The following FANCA variants were observed in gnomAD, a reference collection of about 807,000 sequenced individuals.
FANCA encodes FA complementation group A.
FANCA carries 236 observed loss-of-function variants against 194.3 expected under a neutral mutation model. The observed-to-expected ratio is 1.21, with a 90% CI of 1.09 to 1.35. FANCA has a LOEUF of 1.35. Ranked by LOEUF, FANCA falls within the 40% of genes most tolerant of loss-of-function variation. The pLI, the probability that FANCA is intolerant of heterozygous loss-of-function variation, is 0.00. For synonymous variants in FANCA, 1,014 were observed against 715.8 expected (o/e 1.42, Z -6.65); for missense variants, 2,628 against 1,813.9 (o/e 1.45, Z -8.15).
Position 89,811,201 on chromosome 16 carries a change from T to C in FANCA, c.284-130A>G. The C allele has an allele frequency of 4.5e-6, 5 of 1,104,988 alleles. No individual in the cohort carries two copies. The South Asian group carries it at 6.6e-5, about 15-fold the overall frequency. 68.4% of individuals were successfully genotyped at this position (1,104,988 alleles called of 1,614,324 possible). On this transcript the variant is annotated intron_variant, in intron 3 of 42. Transcript: ENST00000389301. ...AAAATTGCCTTTTAAACGGGGAGAA[T>C]AGATGCAAAGGGAAAAACATGAGAT... is the stretch of plus-strand genomic sequence containing the variant.
At chr16:89,750,543 C>T (rs1041840120) in intron 31 of FANCA, among the ~76,000 whole-genome samples, 2 of 151,216 alleles carry the variant, frequency 1.3e-5, no homozygotes, top group African/African-American at 2.4e-5. Context: ...AATCCCAGAA[C>T]TTTGGGAGGC....
intron 8 of FANCA, 48 bp downstream of exon 8, chr16:89,803,211 T>A: frequency 6.5e-7 from 1 of 1,548,218 alleles, no homozygotes; most frequent in Non-Finnish European, 8.9e-7. Context: ...ACACTTGGAA[T>A]AAGGACGGCT....
intron 26 of FANCA, 186 bp downstream of exon 26, chr16:89,769,651 A>C: frequency 1.5e-6 from 1 of 677,626 alleles, no homozygotes. Flanking sequence ...TGAACAAAGA[A>C]ACAAACGCAC....
chr16:89,799,641 G>A lies in FANCA; in HGVS notation c.793-3C>T, dbSNP rs749688050. 6.2e-7 allele frequency: 1 copy of A among 1,611,158 alleles called. No homozygotes were observed. The highest frequency in any genetic ancestry group is 8.5e-7 in the Non-Finnish European group (1 of 1,177,426). The stretch of plus-strand genomic sequence containing the variant: ...CTCTGCAGTACATCAACCGTGACCT[G>A]TCAAAATAGAATGTGAGTTACCATC... On this transcript the variant is annotated splice_region_variant and splice_polypyrimidine_tract_variant and intron_variant, in intron 8 of 42. Coordinates refer to ENST00000389301, the MANE Select transcript of FANCA (RefSeq NM_000135.4).
At chr16:89,753,335 G>A (rs180913129) in intron 30 of FANCA, among the ~76,000 whole-genome samples, 5 of 152,260 alleles carry the variant, frequency 3.3e-5, no homozygotes, top group Non-Finnish European at 5.9e-5. Context: ...CCGCGCATTG[G>A]TGGTAGTGGT....
At position 89,792,488 on chromosome 16, in the gene FANCA, T is replaced by C; in HGVS notation, c.1066A>G (p.Thr356Ala). The C allele has an allele frequency of 5.6e-6, 9 of 1,613,360 alleles. No homozygotes were observed. Among genetic ancestry groups the C allele is most frequent in the Non-Finnish European group, 7.6e-6 (9 of 1,179,974 alleles). ...CCACTCACCCTGCGGTACAGTGAGG[T>C]GAGCAGAGGGTGTGTCCGCGCAAAG... is the stretch of plus-strand genomic sequence containing the variant. ...WSFARTHPLL[T>A]SLYRRLFVML... is the part of the protein sequence containing the mutation. Residue 356 changes from threonine to alanine, a missense_variant, in exon 12 of 43, where the codon ACC becomes GCC. By Grantham distance (58) the Thr-to-Ala change is moderately conservative (BLOSUM62 0). Transcript: ENST00000389301.
At position 89,769,489 on chromosome 16, in the gene FANCA, G is replaced by C. The variant is rs1400404003; in HGVS notation, c.2504+348C>G. Among the ~76,000 whole-genome samples, 10 of 152,316 alleles carry C rather than the reference G, an allele frequency of 6.6e-5. No individual in the cohort carries two copies. In the East Asian group the frequency reaches 1.2e-3, roughly 18 times the overall value. ...CTCACCATGGGGTGCCGAAGAACCT[G>C]ACCAGAGGGAGCTGGTCCAACCAAG... On this transcript the variant is annotated intron_variant, in intron 26 of 42. Coordinates refer to ENST00000389301, the MANE Select transcript of FANCA (RefSeq NM_000135.4).
chr16:89,811,905 T>C (rs554192167), intron 3 of FANCA, among the ~76,000 whole-genome samples: 1 of 151,724 alleles, frequency 6.6e-6, no homozygotes, highest in Non-Finnish European at 1.5e-5. Context: ...TAATTTTTTG[T>C]ATTTTTAGTA....
intron 26 of FANCA, among the ~76,000 whole-genome samples, chr16:89,767,832 G>C (rs2039183794): frequency 6.6e-6 from 1 of 152,150 alleles, no homozygotes. Context: ...ACAGGCATGA[G>C]TCACTGCAAC....
At chr16:89,786,410 T>C (rs570897107) in intron 14 of FANCA, among the ~76,000 whole-genome samples, 1 of 152,290 alleles carries the variant, frequency 6.6e-6, no homozygotes, top group African/African-American at 2.4e-5. Flanking sequence ...CTTGAACTCC[T>C]GACCTCAGGT....
intron 15 of FANCA, among the ~76,000 whole-genome samples, chr16:89,783,675 C>T (rs17226288): frequency 0.028 from 4,269 of 152,246 alleles, 220 homozygotes; most frequent in African/African-American, 0.097. Flanking sequence ...CAGGGATGTG[C>T]AATCCTAGCA....
At chr16:89,779,778 C>T in intron 18 of FANCA, 91 bp downstream of exon 18, 4 of 1,064,624 alleles carry the variant, frequency 3.8e-6, no homozygotes, top group Non-Finnish European at 4.4e-6. Flanking sequence ...ACCCTGCAGG[C>T]ATCAGAGCAG....
At position 89,814,591 on chromosome 16, in the gene FANCA, T is replaced by C. The variant is rs2041027640; in HGVS notation, c.212A>G (p.Lys71Arg). ...LLEVEGPLCK[K>R]LSLSKVIDCD... ...GTCAATCACTTTGCTGAGAGACAATTTTTTACACAGTGGACCTTCTACCTA... is the reference window on the plus strand; with the variant it reads ...GTCAATCACTTTGCTGAGAGACAATCTTTTACACAGTGGACCTTCTACCTA... Residue 71 changes from lysine to arginine, a missense_variant, in exon 3 of 43, where the codon AAA becomes AGA. Transcript: ENST00000389301. 1.9e-6 allele frequency: 3 copies of C among 1,613,666 alleles called. No homozygotes were observed. The highest frequency in any genetic ancestry group is 2.5e-6 in the Non-Finnish European group (3 of 1,179,610).
chr16:89,815,444 G>A (rs955425515), intron 2 of FANCA, among the ~76,000 whole-genome samples: 4 of 146,972 alleles, frequency 2.7e-5, no homozygotes, highest in African/African-American at 7.6e-5. Flanking sequence ...CTGCCTCCCG[G>A]GTCCAGGTTC....
chr16:89,749,966 C>A, intron 31 of FANCA, 64 bp from the exon 32 acceptor site: 2 of 1,578,976 alleles, frequency 1.3e-6, no homozygotes, highest in Admixed American at 3.3e-5. Context: ...CAGTCGGGGA[C>A]CCAGACGTCA....
intron 33 of FANCA, 83 bp downstream of exon 33, chr16:89,748,576 T>C: frequency 9.6e-7 from 1 of 1,036,924 alleles, no homozygotes; most frequent in Admixed American, 1.9e-5. Context: ...ACACGGTCAG[T>C]ACACGCATGG....
chr16:89,755,933 C>A (rs2038754110), intron 30 of FANCA, among the ~76,000 whole-genome samples: 1 of 151,778 alleles, frequency 6.6e-6, no homozygotes, highest in Non-Finnish European at 1.5e-5. Context: ...CAGAAACAGA[C>A]CAGAGCCCCC....
At chr16:89,809,983 G>T (rs1002100973) in intron 5 of FANCA, among the ~76,000 whole-genome samples, 2 of 151,536 alleles carry the variant, frequency 1.3e-5, no homozygotes, top group African/African-American at 4.9e-5. Flanking sequence ...CCAAGATTGC[G>T]CCACTGCACT....
rs560352340 is a variant in FANCA, at chr16:89,746,571, A to G, written c.3513+13T>C. On this transcript the variant is annotated intron_variant, in intron 35 of 42. Coordinates refer to ENST00000389301, the MANE Select transcript of FANCA (RefSeq NM_000135.4). ...TCCCCAAAACAAAACACCAAACAAG[A>G]CAGCTGACCCACCAGAGCAGAGGTC... is the stretch of plus-strand genomic sequence containing the variant. 322 of 1,611,018 alleles carry G rather than the reference A, an allele frequency of 2.0e-4. 2 individuals carry two copies. In the South Asian group the frequency reaches 3.4e-3, roughly 17 times the overall value.
Sources: gnomAD v4.1 joint callset for allele counts (sites outside exome capture counted in the v4.1 genomes callset) on GRCh38, gnomAD v4.1.1 for gene constraint, MANE v1.5 for transcripts, NCBI Gene and HGNC (gene_info 2026-07-23, HGNC 2026-07-21) for gene names.